The following CCSER1 variants were observed in gnomAD, a reference collection of about 807,000 sequenced individuals.
CCSER1 encodes serine-rich coiled-coil domain-containing protein 1.
Under a neutral mutation model 82.0 loss-of-function variants are expected in CCSER1, and 41 were observed. That is an observed-to-expected ratio of 0.50 (90% CI 0.39 to 0.65). CCSER1 has a LOEUF of 0.65. CCSER1 is among the 30% of genes least tolerant of loss of function. The pLI, the probability that CCSER1 is intolerant of heterozygous loss-of-function variation, is 0.00. For synonymous variants in CCSER1, 414 were observed against 383.9 expected, an observed-to-expected ratio of 1.08 and a Z score of -0.92; for missense variants, 1,119 against 1,064.2, an observed-to-expected ratio of 1.05 and a Z score of -0.72.
intron 8 of CCSER1, among the ~76,000 whole-genome samples, chr4:90,915,204 C>A (rs1305470032): frequency 1.3e-5 from 2 of 152,226 alleles, no homozygotes; most frequent in Non-Finnish European, 2.9e-5. Context: ...CTGGCAGAGA[C>A]ACAACAGAAA....
At chr4:90,715,038 G>A (rs1741369924) in intron 6 of CCSER1, among the ~76,000 whole-genome samples, 1 of 151,836 alleles carries the variant, frequency 6.6e-6, no homozygotes, top group Admixed American at 6.6e-5. Flanking sequence ...CTTGATGTTA[G>A]CATCTTTTGA....
rs959243809 is a variant in CCSER1, at chr4:91,359,175, C to T, written c.2218-239397C>T. On this transcript the variant is annotated intron_variant, in intron 10 of 10. Coordinates refer to ENST00000509176, the MANE Select transcript of CCSER1 (RefSeq NM_001145065.2). ...TGGTATGTGACAGGGGCTGCATGCA[C>T]CAGTGGTCAGAGAGATACAGAACAG... Among the ~76,000 whole-genome samples the T allele has an allele frequency of 1.1e-4, 17 of 149,660 alleles. 1 individual carries two copies. Among genetic ancestry groups the T allele is most frequent in the Non-Finnish European group, 2.1e-4 (14 of 66,380 alleles).
At chr4:90,518,893 TGATATTA>T (rs775885052) in intron 5 of CCSER1, among the ~76,000 whole-genome samples, 3 of 151,888 alleles carry the variant, frequency 2.0e-5, no homozygotes, top group Non-Finnish European at 4.4e-5. Context: ...ACACATTTCA[TGATATTA>T]GACTTCCAGC....
intron 10 of CCSER1, among the ~76,000 whole-genome samples, chr4:91,321,379 T>C (rs1462555820): frequency 6.6e-6 from 1 of 152,060 alleles, no homozygotes; most frequent in African/African-American, 2.4e-5. Context: ...TGGCCTGCAA[T>C]TGATAGAAGA....
intron 3 of CCSER1, among the ~76,000 whole-genome samples, chr4:90,316,732 G>A (rs112266369): frequency 4.1e-4 from 63 of 152,226 alleles, no homozygotes; most frequent in Admixed American, 1.3e-3. Flanking sequence ...CTGAAAGACC[G>A]AAGATATTAC....
chr4:90,417,870 G>A (rs1213643658), intron 4 of CCSER1, among the ~76,000 whole-genome samples: 2 of 152,086 alleles, frequency 1.3e-5, no homozygotes, highest in Non-Finnish European at 2.9e-5. Context: ...ACAGAGAATT[G>A]CAACAACATT....
intron 3 of CCSER1, among the ~76,000 whole-genome samples, chr4:90,352,529 G>A (rs916570352): frequency 1.3e-5 from 2 of 151,954 alleles, no homozygotes; most frequent in Non-Finnish European, 2.9e-5. Flanking sequence ...GGGTGAGGTG[G>A]CAGGTGCCTG....
At chr4:91,129,657 G>A (rs553168759) in intron 10 of CCSER1, among the ~76,000 whole-genome samples, 195 of 152,066 alleles carry the variant, frequency 1.3e-3, no homozygotes, top group African/African-American at 4.5e-3. Flanking sequence ...ATTACCAAAG[G>A]ACTCTTGGAC....
At chr4:91,516,310 A>C (rs1238297642) in intron 10 of CCSER1, among the ~76,000 whole-genome samples, 1 of 152,038 alleles carries the variant, frequency 6.6e-6, no homozygotes, top group Non-Finnish European at 1.5e-5. Flanking sequence ...GGTATTTCCT[A>C]GGTTATTTTC....
chr4:90,501,486 G>A (rs1054550217), intron 5 of CCSER1, among the ~76,000 whole-genome samples: 3 of 152,042 alleles, frequency 2.0e-5, no homozygotes, highest in Non-Finnish European at 2.9e-5. Flanking sequence ...CACTCTTTTC[G>A]TTTTGCTTCG....
chr4:90,308,797 T>C lies in CCSER1; in HGVS notation c.513T>C (p.Arg171=). 2 of 1,613,836 alleles carry C rather than the reference T, an allele frequency of 1.2e-6. No individual in the cohort carries two copies. The highest frequency in any genetic ancestry group is 1.7e-6 in the Non-Finnish European group (2 of 1,179,848). Reference sequence around the variant, plus strand: ...GTTTCACAGAAGACCAAACTCGTCGTTCTGTTAAGCAGTCAACAAGGAAGC... The same window carrying C: ...GTTTCACAGAAGACCAAACTCGTCGCTCTGTTAAGCAGTCAACAAGGAAGC... ...DSGFTEDQTR[R]SVKQSTRKLL... The change falls in exon 2 of 11, where the codon CGT becomes CGC. Residue 171 remains arginine, a synonymous_variant. Coordinates refer to ENST00000509176, the MANE Select transcript of CCSER1 (RefSeq NM_001145065.2).
chr4:91,427,487 G>C (rs1222964921), intron 10 of CCSER1, among the ~76,000 whole-genome samples: 1 of 152,062 alleles, frequency 6.6e-6, no homozygotes, highest in Non-Finnish European at 1.5e-5. Flanking sequence ...AATCCCATTA[G>C]ACTGAATGAG....
chr4:91,380,233 G>T (rs920082141), intron 10 of CCSER1, among the ~76,000 whole-genome samples: 1 of 152,130 alleles, frequency 6.6e-6, no homozygotes, highest in African/African-American at 2.4e-5. Context: ...GTTGATTTGG[G>T]GTGGAGAGTT....
chr4:90,514,711 G>T (rs1391146266), intron 5 of CCSER1, among the ~76,000 whole-genome samples: 1 of 151,958 alleles, frequency 6.6e-6, no homozygotes, highest in South Asian at 2.1e-4. Context: ...AGCTGGGATC[G>T]TGCCACTGTA....
Position 91,247,758 on chromosome 4 carries a change from A to G in CCSER1, c.2217+161764A>G, listed in dbSNP as rs572936586. ...GTGGTGCGTGTCTGCAGTCCCAGCT[A>G]CTTGGGAGCTGAGACAGGAGAATCA... On this transcript the variant is annotated intron_variant, in intron 10 of 10. Coordinates refer to ENST00000509176, the MANE Select transcript of CCSER1 (RefSeq NM_001145065.2). Among the ~76,000 whole-genome samples the G allele has an allele frequency of 5.3e-5, 8 of 152,302 alleles. No homozygotes were observed. The East Asian group carries it at 1.5e-3, about 29-fold the overall frequency.
intron 7 of CCSER1, among the ~76,000 whole-genome samples, chr4:90,802,350 G>T (rs901461992): frequency 6.7e-6 from 1 of 149,260 alleles, no homozygotes; most frequent in Non-Finnish European, 1.5e-5. Context: ...AAATGTAGTT[G>T]TATAATCAGT....
chr4:90,168,926 T>C (rs1392814208), intron 1 of CCSER1, among the ~76,000 whole-genome samples: 1 of 151,658 alleles, frequency 6.6e-6, no homozygotes, highest in South Asian at 2.1e-4. Context: ...TCCAGCTTTA[T>C]TCTTTTGGCT....
At chr4:90,647,009 T>C (rs966115529) in intron 6 of CCSER1, among the ~76,000 whole-genome samples, 1 of 152,032 alleles carries the variant, frequency 6.6e-6, no homozygotes, top group East Asian at 1.9e-4. Context: ...GGATAAATGG[T>C]GTGTTTCCAT....
At chr4:91,475,289 C>T (rs545717185) in intron 10 of CCSER1, among the ~76,000 whole-genome samples, 3 of 151,766 alleles carry the variant, frequency 2.0e-5, no homozygotes, top group Non-Finnish European at 4.4e-5. Flanking sequence ...AAAATAGATA[C>T]AGTAAAATAG....
Sources: gnomAD v4.1 joint callset for allele counts (sites outside exome capture counted in the v4.1 genomes callset) on GRCh38, gnomAD v4.1.1 for gene constraint, MANE v1.5 for transcripts, NCBI Gene and HGNC (gene_info 2026-07-23, HGNC 2026-07-21) for gene names.